GPAT4: variants seen among roughly 807,000 people sequenced by gnomAD.
The protein encoded by GPAT4 is 1-AGP acyltransferase 6.
In GPAT4, 17 loss-of-function variants were observed where a neutral mutation model predicts 58.0. The observed-to-expected ratio is 0.29, with a 90% CI of 0.20 to 0.44. The LOEUF is 0.44. Among genes scored for constraint, GPAT4 ranks in the 20% least tolerant of loss-of-function variants. The pLI, the probability that GPAT4 is intolerant of heterozygous loss-of-function variation, is 1.00. For missense variants in GPAT4, 377 were observed against 574.5 expected (o/e 0.66, Z 3.51); for synonymous variants, 204 against 210.1 (o/e 0.97, Z 0.25).
intron 1 of GPAT4, among the ~76,000 whole-genome samples, chr8:41,579,591 A>G (rs1009181508): frequency 6.6e-6 from 1 of 152,210 alleles, no homozygotes. Flanking sequence ...TAATCCCAGC[A>G]CTTTGGGAGG....
At chr8:41,585,240 G>C (rs1802621585) in intron 1 of GPAT4, among the ~76,000 whole-genome samples, 1 of 152,198 alleles carries the variant, frequency 6.6e-6, no homozygotes, top group Non-Finnish European at 1.5e-5. Context: ...TGTATGTTCT[G>C]ACAGTAAACT....
chr8:41,604,222 C>G (rs1013488120), intron 2 of GPAT4, among the ~76,000 whole-genome samples: 2 of 152,120 alleles, frequency 1.3e-5, no homozygotes, highest in Admixed American at 1.3e-4. Flanking sequence ...CCTAATAGTT[C>G]ATGCAGTACA....
chr8:41,600,967 A>T (rs1263908892), intron 2 of GPAT4, among the ~76,000 whole-genome samples: 1 of 152,036 alleles, frequency 6.6e-6, no homozygotes, highest in Non-Finnish European at 1.5e-5. Flanking sequence ...GGGCTGAATT[A>T]TATTTTACTG....
At chr8:41,592,027 A>G (rs879509616) in intron 1 of GPAT4, among the ~76,000 whole-genome samples, 2 of 152,192 alleles carry the variant, frequency 1.3e-5, no homozygotes, top group African/African-American at 2.4e-5. Context: ...TATCCCTACG[A>G]GCCATCTTGT....
At chr8:41,587,073 A>G (rs529950988) in intron 1 of GPAT4, among the ~76,000 whole-genome samples, 22 of 152,324 alleles carry the variant, frequency 1.4e-4, no homozygotes, top group African/African-American at 3.6e-4. Flanking sequence ...GTGCATGGAT[A>G]CCAACTGTCC....
intron 12 of GPAT4, among the ~76,000 whole-genome samples, chr8:41,620,560 C>T (rs1315803961): frequency 6.6e-6 from 1 of 152,192 alleles, no homozygotes; most frequent in Non-Finnish European, 1.5e-5. Flanking sequence ...TCCATAATGC[C>T]AGAATTCCTC....
chr8:41,612,518 G>T (rs1056774722), intron 7 of GPAT4, among the ~76,000 whole-genome samples: 1 of 152,216 alleles, frequency 6.6e-6, no homozygotes, highest in Non-Finnish European at 1.5e-5. Context: ...GGAGTTGCTG[G>T]CAAGGACTGT....
chr8:41,612,690 T>C (rs1009181426), intron 7 of GPAT4, 155 bp from the exon 8 acceptor site: 64 of 615,656 alleles, frequency 1.0e-4, no homozygotes, highest in Non-Finnish European at 1.6e-4. Context: ...TTGGGGAGTC[T>C]TGGTAGTGGT....
rs996950768 is a variant in GPAT4 at position 41,622,796 on chromosome 8, G to C, written c.*1795G>C. The C allele has an allele frequency of 1.3e-5, 2 of 149,154 alleles. No individual in the cohort carries two copies. Among genetic ancestry groups the C allele is most frequent in the South Asian group, 4.3e-4 (2 of 4,692 alleles). 9.2% of individuals were successfully genotyped at this position (149,154 alleles called of 1,614,324 possible). ...GGGGGAAATCTTTTTGCTCTCAAAT[G>C]AAGACTGAAAAAATAAAGTCAGTGT... On this transcript the variant is annotated 3_prime_UTR_variant, in exon 13 of 13. Coordinates refer to ENST00000396987, the MANE Select transcript of GPAT4 (RefSeq NM_178819.4).
chr8:41,619,630 C>T (rs2150508450), intron 12 of GPAT4, among the ~76,000 whole-genome samples: 1 of 152,286 alleles, frequency 6.6e-6, no homozygotes, highest in South Asian at 2.1e-4. Context: ...GTAGTTTTAT[C>T]CCAAACAGTA....
Position 41,598,859 on chromosome 8 carries a change from G to A in GPAT4, c.-281G>A, listed in dbSNP as rs547565819. 4.7e-5 allele frequency: 18 copies of A among 381,290 alleles called. No homozygotes were observed. The highest frequency in any genetic ancestry group is 1.5e-4 in the South Asian group (3 of 19,952). The allele number at this position is 381,290 out of a possible 1,614,324, so 23.6% of individuals were successfully genotyped here. Reference sequence around the variant, plus strand: ...TTGCACAGAAACTCCATCTGGACTCGGATGCTTTTACTGAAGACCCATCTA... The same window carrying A: ...TTGCACAGAAACTCCATCTGGACTCAGATGCTTTTACTGAAGACCCATCTA... On this transcript the variant is annotated 5_prime_UTR_variant, in exon 2 of 13. Transcript: ENST00000396987.
At chr8:41,588,137 G>T (rs998253876) in intron 1 of GPAT4, among the ~76,000 whole-genome samples, 14 of 152,194 alleles carry the variant, frequency 9.2e-5, no homozygotes, top group African/African-American at 3.4e-4. Context: ...TGATTCTAAT[G>T]AAATGATAAT....
At chr8:41,612,331 G>A (rs1688357708) in intron 7 of GPAT4, 58 bp downstream of exon 7, 1 of 1,562,230 alleles carries the variant, frequency 6.4e-7, no homozygotes, top group Non-Finnish European at 8.8e-7. Flanking sequence ...GAGTGGTCAG[G>A]GCTAGGAGGC....
chr8:41,613,030 C>G (rs1375076436), intron 8 of GPAT4, 70 bp downstream of exon 8: 2 of 1,310,706 alleles, frequency 1.5e-6, no homozygotes, highest in African/African-American at 2.9e-5. Flanking sequence ...GTAGTTATCC[C>G]TCCACAGTGC....
At chr8:41,602,941 A>G (rs1005769315) in intron 2 of GPAT4, among the ~76,000 whole-genome samples, 4 of 152,080 alleles carry the variant, frequency 2.6e-5, no homozygotes, top group African/African-American at 7.2e-5. Context: ...TAGGGATATT[A>G]CTAGTGCTAT....
At position 41,621,356 on chromosome 8, in the gene GPAT4, G is replaced by A. The variant is rs573524435; in HGVS notation, c.*355G>A. 12 of 237,682 alleles carry A rather than the reference G, an allele frequency of 5.0e-5. No homozygotes were observed. Among genetic ancestry groups the A allele is most frequent in the South Asian group, 2.0e-4 (3 of 14,692 alleles). The allele number at this position is 237,682 out of a possible 1,614,324, so 14.7% of individuals were successfully genotyped here. A position where few individuals can be genotyped will look rare whatever the true frequency, so the allele number is the denominator to read the frequency against. On this transcript the variant is annotated 3_prime_UTR_variant, in exon 13 of 13. Coordinates refer to ENST00000396987, the MANE Select transcript of GPAT4 (RefSeq NM_178819.4). Reference sequence around the variant, plus strand: ...GCCATGGTCTTGTGCTAGAGATGGCGGTACAAGAGTCTGTTATGCAAGCCC... The same window carrying A: ...GCCATGGTCTTGTGCTAGAGATGGCAGTACAAGAGTCTGTTATGCAAGCCC...
intron 1 of GPAT4, among the ~76,000 whole-genome samples, chr8:41,580,788 T>A (rs1364773806): frequency 6.6e-6 from 1 of 152,196 alleles, no homozygotes; most frequent in African/African-American, 2.4e-5. Flanking sequence ...GGTAAATCAT[T>A]ACCCCTAAAG....
chr8:41,594,671 A>G (rs1021982961), intron 1 of GPAT4, among the ~76,000 whole-genome samples: 6 of 149,688 alleles, frequency 4.0e-5, no homozygotes, highest in Non-Finnish European at 3.0e-5. Context: ...TCAGCCTCCC[A>G]AGTAGCTGGG....
intron 1 of GPAT4, among the ~76,000 whole-genome samples, chr8:41,582,676 T>A (rs866262593): frequency 1.6e-3 from 233 of 142,320 alleles, no homozygotes; most frequent in African/African-American, 5.0e-3. Context: ...AGAGAGAGAG[T>A]GTGTGTGTGT....
Sources: allele counts gnomAD v4.1 joint callset (sites outside exome capture counted in the v4.1 genomes callset), GRCh38; gene constraint gnomAD v4.1.1; transcripts MANE v1.5; gene names NCBI Gene and HGNC (gene_info 2026-07-23, HGNC 2026-07-21).